Variants in WIPI2 observed in about 807,000 individuals in gnomAD.
WIPI2 encodes WD repeat domain phosphoinositide-interacting protein 2.
A neutral mutation model predicts 52.3 loss-of-function variants in WIPI2; 28 were observed. The ratio of observed to expected loss-of-function variants is 0.54; its 90% CI spans 0.40 to 0.73. The LOEUF (loss-of-function observed/expected upper bound fraction) is 0.73. WIPI2 is among the 30% of genes least tolerant of loss of function. WIPI2 has a pLI of 0.00. For missense variants in WIPI2, 506 were observed against 602.9 expected, an observed-to-expected ratio of 0.84 and a Z score of 1.68; for synonymous variants, 268 against 245.0, an observed-to-expected ratio of 1.09 and a Z score of -0.88.
chr7:5,229,853 G>A, intron 12 of WIPI2, 115 bp downstream of exon 12: 1 of 1,443,496 alleles, frequency 6.9e-7, no homozygotes, highest in South Asian at 1.4e-5. Context: ...GATGGGGACT[G>A]GTTCTGAGAA....
intron 3 of WIPI2, among the ~76,000 whole-genome samples, chr7:5,209,377 G>A (rs960892985): frequency 6.6e-6 from 1 of 152,190 alleles, no homozygotes; most frequent in Non-Finnish European, 1.5e-5. Context: ...TTAACGGGAA[G>A]AGATCAAATA....
At chr7:5,211,798 T>C (rs767371732) in intron 3 of WIPI2, among the ~76,000 whole-genome samples, 2 of 152,238 alleles carry the variant, frequency 1.3e-5, no homozygotes, top group African/African-American at 2.4e-5. Flanking sequence ...GAAGTAGATA[T>C]CAGGCCTTAC....
Position 5,222,458 on chromosome 7 carries a change from C to T in WIPI2, c.670-144C>T, listed in dbSNP as rs1047580416. The T allele has an allele frequency of 1.4e-5, 11 of 801,020 alleles. No individual in the cohort carries two copies. In the African/African-American group the frequency reaches 1.6e-4, roughly 11 times the overall value. 49.6% of individuals were successfully genotyped at this position (801,020 alleles called of 1,614,324 possible). On this transcript the variant is annotated intron_variant, in intron 7 of 12. Coordinates refer to ENST00000288828, the MANE Select transcript of WIPI2 (RefSeq NM_015610.4). ...TGTGGAGATGATGTTCAAGGGGGGCCCTGGGGGACCCCAGACTCCTTGGTG... is the reference window on the plus strand; with the variant it reads ...TGTGGAGATGATGTTCAAGGGGGGCTCTGGGGGACCCCAGACTCCTTGGTG...
chr7:5,210,823 C>G (rs1009906125), intron 3 of WIPI2, among the ~76,000 whole-genome samples: 1 of 152,200 alleles, frequency 6.6e-6, no homozygotes, highest in Non-Finnish European at 1.5e-5. Flanking sequence ...TTTTCATCAG[C>G]TGATCAAAAG....
chr7:5,226,297 G>A (rs1045944136), intron 9 of WIPI2: 73 of 228,462 alleles, frequency 3.2e-4, no homozygotes, highest in African/African-American at 1.4e-3. Flanking sequence ...ACCTTCCCAC[G>A]GGTAAGCAGA....
chr7:5,214,250 TC>T, intron 3 of WIPI2: 1 of 1,368,914 alleles, frequency 7.3e-7, no homozygotes, highest in Non-Finnish European at 9.5e-7. Flanking sequence ...GTTCCTAAAC[TC>T]ACCATTCAAA....
At chr7:5,201,168 C>T (rs1390543859) in intron 3 of WIPI2, among the ~76,000 whole-genome samples, 3 of 152,230 alleles carry the variant, frequency 2.0e-5, no homozygotes, top group Non-Finnish European at 4.4e-5. Flanking sequence ...CAGTGGAGGG[C>T]AGCCCCGTCT....
chr7:5,195,655 T>C (rs887934351), intron 2 of WIPI2, among the ~76,000 whole-genome samples: 6 of 152,228 alleles, frequency 3.9e-5, no homozygotes, highest in African/African-American at 1.4e-4. Context: ...TTTGAAATTG[T>C]TTAAAGCCAA....
chr7:5,213,715 T>C (rs1782674212), intron 3 of WIPI2, among the ~76,000 whole-genome samples: 1 of 152,138 alleles, frequency 6.6e-6, no homozygotes, highest in South Asian at 2.1e-4. Context: ...AGATGGAGTC[T>C]CGCTCTGTGG....
chr7:5,228,344 C>A, intron 11 of WIPI2, 133 bp downstream of exon 11: 2 of 835,436 alleles, frequency 2.4e-6, no homozygotes, highest in Non-Finnish European at 3.5e-6. Flanking sequence ...GCGGCCCATG[C>A]CGCGCAGGTC....
chr7:5,214,740 T>C, intron 4 of WIPI2, 36 bp downstream of exon 4: 2 of 1,609,238 alleles, frequency 1.2e-6, no homozygotes, highest in East Asian at 4.5e-5. Context: ...GGCTTGTCTG[T>C]TGCTCCCTCC....
intron 2 of WIPI2, among the ~76,000 whole-genome samples, chr7:5,197,111 C>CAAAAA (rs1562384541): frequency 5.3e-5 from 3 of 56,426 alleles, no homozygotes; most frequent in African/African-American, 2.0e-4. Context: ...GACTCCGTCT[C>CAAAAA]AAAAAACAAA....
At chr7:5,217,227 G>A in intron 6 of WIPI2, 40 bp downstream of exon 6, 1 of 1,607,458 alleles carries the variant, frequency 6.2e-7, no homozygotes, top group Non-Finnish European at 8.5e-7. Flanking sequence ...TCTAAAGTGT[G>A]GCTTTTTCCT....
chr7:5,199,939 C>T (rs746511259), intron 3 of WIPI2, among the ~76,000 whole-genome samples: 11 of 152,198 alleles, frequency 7.2e-5, no homozygotes, highest in Non-Finnish European at 1.6e-4. Context: ...TGGTCTGTAA[C>T]TTCTCTCCCT....
intron 1 of WIPI2, among the ~76,000 whole-genome samples, chr7:5,191,446 C>T (rs1781480958): frequency 6.6e-6 from 1 of 152,166 alleles, no homozygotes; most frequent in Non-Finnish European, 1.5e-5. Flanking sequence ...CGGACCAGTG[C>T]CCCAGGAGTC....
At chr7:5,203,925 G>A (rs552525812) in intron 3 of WIPI2, among the ~76,000 whole-genome samples, 24 of 152,142 alleles carry the variant, frequency 1.6e-4, no homozygotes, top group Admixed American at 6.5e-4. Context: ...ACCCTGCCAC[G>A]TTCAGTCTTT....
intron 2 of WIPI2, among the ~76,000 whole-genome samples, chr7:5,195,082 G>A (rs1781680802): frequency 6.6e-6 from 1 of 152,168 alleles, no homozygotes; most frequent in Admixed American, 6.5e-5. Context: ...GGGTCTCTGG[G>A]TTTGGGCACC....
chr7:5,224,170 C>T (rs576506491), intron 8 of WIPI2, among the ~76,000 whole-genome samples: 356 of 152,360 alleles, frequency 2.3e-3, no homozygotes, highest in African/African-American at 8.4e-3. Context: ...TCCAGCAGTA[C>T]CGCACTTTCA....
At chr7:5,209,920 G>T (rs1364321747) in intron 3 of WIPI2, among the ~76,000 whole-genome samples, 4 of 151,662 alleles carry the variant, frequency 2.6e-5, no homozygotes, top group East Asian at 3.9e-4. Flanking sequence ...TGTTTTTTTG[G>T]TTTTTTTGGT....
Sources: gnomAD v4.1 joint callset for allele counts (sites outside exome capture counted in the v4.1 genomes callset) on GRCh38, gnomAD v4.1.1 for gene constraint, MANE v1.5 for transcripts, NCBI Gene and HGNC (gene_info 2026-07-23, HGNC 2026-07-21) for gene names.